The following RSPO2 variants were observed in gnomAD, a reference collection of about 807,000 sequenced individuals.
The protein encoded by RSPO2 is R-spondin 2, also known as R-spondin-2.
In RSPO2, 14 loss-of-function variants were observed where a neutral mutation model predicts 30.9. The observed-to-expected ratio is 0.45, with a 90% CI of 0.30 to 0.71. The LOEUF (loss-of-function observed/expected upper bound fraction) is 0.71, where lower values mean the gene tolerates loss of function less well. RSPO2 is among the 30% of genes least tolerant of loss of function. RSPO2 has a pLI of 0.08. For missense variants in RSPO2, 264 were observed against 301.9 expected, an observed-to-expected ratio of 0.87 and a Z score of 0.93; for synonymous variants, 107 against 96.4, an observed-to-expected ratio of 1.11 and a Z score of -0.64.
chr8:108,066,240 C>T (rs1017750037), intron 2 of RSPO2, among the ~76,000 whole-genome samples: 1 of 152,174 alleles, frequency 6.6e-6, no homozygotes, highest in African/African-American at 2.4e-5. Flanking sequence ...TTCCTCTCCT[C>T]TCTAAGCCTT....
intron 3 of RSPO2, among the ~76,000 whole-genome samples, chr8:107,988,285 A>G (rs773723834): frequency 1.3e-5 from 2 of 152,280 alleles, no homozygotes; most frequent in Non-Finnish European, 2.9e-5. Context: ...GGTACTTAAA[A>G]AAAAACACCT....
At chr8:108,062,854 C>A (rs1353255735) in intron 2 of RSPO2, among the ~76,000 whole-genome samples, 4 of 151,840 alleles carry the variant, frequency 2.6e-5, no homozygotes, top group Non-Finnish European at 2.9e-5. Context: ...GGCTTCATCC[C>A]TGGAATGCAA....
Position 107,994,687 on chromosome 8 carries a change from G to A in RSPO2, c.95-5443C>T, listed in dbSNP as rs187817515. Among the ~76,000 whole-genome samples, 30 of 152,110 alleles carry A rather than the reference G, an allele frequency of 2.0e-4. 1 individual carries two copies. The highest frequency in any genetic ancestry group is 1.5e-3 in the Admixed American group (23 of 15,260). ...GTCATAAATACAACAGAATACATGA[G>A]GCCACAATGACTTCATTTTATCGAG... On this transcript the variant is annotated intron_variant, in intron 2 of 5. Transcript: ENST00000276659.
chr8:108,024,075 G>C (rs985024830), intron 2 of RSPO2, among the ~76,000 whole-genome samples: 1 of 151,818 alleles, frequency 6.6e-6, no homozygotes, highest in Non-Finnish European at 1.5e-5. Context: ...TAAAAGTAGG[G>C]GAATTTGACA....
At chr8:107,910,130 C>CTA (rs1353809740) in intron 5 of RSPO2, among the ~76,000 whole-genome samples, 695 of 152,286 alleles carry the variant, frequency 4.6e-3, no homozygotes, top group African/African-American at 0.012. Flanking sequence ...TCCTCCATAG[C>CTA]TGACTTCATA....
intron 2 of RSPO2, among the ~76,000 whole-genome samples, chr8:107,990,169 A>G (rs893907340): frequency 5.3e-5 from 8 of 152,214 alleles, no homozygotes; most frequent in Non-Finnish European, 1.0e-4. Context: ...GACAAATTGA[A>G]TGGTAGAAGA....
At chr8:108,016,107 G>A (rs1347312032) in intron 2 of RSPO2, among the ~76,000 whole-genome samples, 1 of 152,094 alleles carries the variant, frequency 6.6e-6, no homozygotes, top group Non-Finnish European at 1.5e-5. Flanking sequence ...AAGAGGATAT[G>A]GCTACAGAAA....
chr8:107,951,007 C>A (rs188625809), intron 5 of RSPO2, among the ~76,000 whole-genome samples: 1 of 151,212 alleles, frequency 6.6e-6, no homozygotes, highest in Admixed American at 6.6e-5. Context: ...TTTAAAGATC[C>A]CAGAGAAGTA....
At chr8:108,073,113 G>A (rs1284740369) in intron 2 of RSPO2, 2 of 152,322 alleles carry the variant, frequency 1.3e-5, no homozygotes, top group African/African-American at 4.8e-5. Flanking sequence ...CTCTTGGTGA[G>A]GTCTTGTCAA....
intron 3 of RSPO2, among the ~76,000 whole-genome samples, chr8:107,972,468 T>C (rs2076380496): frequency 6.6e-6 from 1 of 152,098 alleles, no homozygotes; most frequent in Admixed American, 6.6e-5. Flanking sequence ...TTTAGTGTAA[T>C]AGCATAATTC....
intron 5 of RSPO2, among the ~76,000 whole-genome samples, chr8:107,931,375 T>G (rs1023073722): frequency 2.0e-5 from 3 of 152,184 alleles, no homozygotes; most frequent in African/African-American, 7.2e-5. Context: ...ATTTGAGACC[T>G]GCAGTACACA....
intron 5 of RSPO2, among the ~76,000 whole-genome samples, chr8:107,946,526 G>T (rs1377038749): frequency 6.6e-6 from 1 of 152,208 alleles, no homozygotes; most frequent in Non-Finnish European, 1.5e-5. Flanking sequence ...GGCACAGAAG[G>T]AAGGTGCATG....
Position 107,901,150 on chromosome 8 carries a change from T to C in RSPO2, c.657A>G (p.Lys219=). Residue 219 remains lysine, a synonymous_variant, in exon 6 of 6, where the codon AAA becomes AAG. Transcript: ENST00000276659. ...TPKAKEKRNK[K]KKRKLIERAQ... ...CCCTTTCTATCAGCTTCCTTTTCTT[T>C]TTCTTGTTCCTCTTCTCCTTCGCCT... The C allele has an allele frequency of 6.2e-7, 1 of 1,614,116 alleles. No homozygotes were observed. The highest frequency in any genetic ancestry group is 2.2e-5 in the East Asian group (1 of 44,872).
At chr8:107,912,549 T>A (rs1811857183) in intron 5 of RSPO2, among the ~76,000 whole-genome samples, 1 of 152,196 alleles carries the variant, frequency 6.6e-6, no homozygotes, top group Non-Finnish European at 1.5e-5. Context: ...TCATCTCTCC[T>A]GTGGACATAT....
chr8:107,939,444 T>C lies in RSPO2; in HGVS notation c.616+18636A>G, dbSNP rs142262425. On this transcript the variant is annotated intron_variant, in intron 5 of 5. Transcript: ENST00000276659. ...GATGAAAAAGTTATTATGGGACAGT[T>C]ACACCAAACGACAATTTAAATAAAT... 3.4e-3 allele frequency among the ~76,000 whole-genome samples: 511 copies of C among 151,148 alleles called. 20 individuals are homozygous for C. The South Asian group carries it at 0.082, about 24-fold the overall frequency.
intron 2 of RSPO2, among the ~76,000 whole-genome samples, chr8:108,064,307 C>G (rs970700083): frequency 1.9e-4 from 29 of 151,912 alleles, no homozygotes; most frequent in African/African-American, 7.0e-4. Flanking sequence ...TATCCAGAAT[C>G]TACAAAAAAA....
chr8:107,927,309 G>C (rs1048604582), intron 5 of RSPO2, among the ~76,000 whole-genome samples: 7 of 152,066 alleles, frequency 4.6e-5, no homozygotes, highest in African/African-American at 1.2e-4. Context: ...GAGAAGATGG[G>C]GTTTTCTAGA....
At chr8:108,057,961 C>T (rs1257172337) in intron 2 of RSPO2, among the ~76,000 whole-genome samples, 1 of 152,112 alleles carries the variant, frequency 6.6e-6, no homozygotes, top group African/African-American at 2.4e-5. Flanking sequence ...ATTGAAAACC[C>T]TTTATTTCCT....
rs538321557 is a variant in RSPO2, at chr8:107,908,241, T to C, written c.617-7051A>G. ...TATTCCATAACCTTTTTCAGCTTTCTTGAAGCAATAAGGACTACAACAAGG... is the reference window on the plus strand; with the variant it reads ...TATTCCATAACCTTTTTCAGCTTTCCTGAAGCAATAAGGACTACAACAAGG... On this transcript the variant is annotated intron_variant, in intron 5 of 5. Coordinates refer to ENST00000276659, the MANE Select transcript of RSPO2 (RefSeq NM_178565.5). 5.9e-5 allele frequency among the ~76,000 whole-genome samples: 9 copies of C among 152,288 alleles called. No individual in the cohort carries two copies. The South Asian group carries it at 1.9e-3, about 32-fold the overall frequency.
Sources: allele counts gnomAD v4.1 joint callset (sites outside exome capture counted in the v4.1 genomes callset), GRCh38; gene constraint gnomAD v4.1.1; transcripts MANE v1.5; gene names NCBI Gene and HGNC (gene_info 2026-07-23, HGNC 2026-07-21).